The following FAM24B variants were observed in gnomAD, a reference collection of about 807,000 sequenced individuals.
The protein encoded by FAM24B is family with sequence similarity 24 member B.
FAM24B carries 3 observed loss-of-function variants against 2.3 expected under a neutral mutation model. The ratio of observed to expected loss-of-function variants is 1.29; its 90% CI spans 0.59 to 3.32. The LOEUF is 3.32. Ranked by LOEUF, FAM24B falls within the 30% of genes most tolerant of loss-of-function variation. The pLI is 0.03. For missense variants in FAM24B, 98 were observed against 117.2 expected, an observed-to-expected ratio of 0.84 and a Z score of 0.76; for synonymous variants, 36 against 46.3, an observed-to-expected ratio of 0.78 and a Z score of 0.90.
intron 1 of FAM24B, among the ~76,000 whole-genome samples, chr10:122,864,398 G>A (rs1427543707): frequency 6.6e-6 from 1 of 152,124 alleles, no homozygotes; most frequent in Admixed American, 6.5e-5. Flanking sequence ...TAATATCACT[G>A]AGGTCTGTTG....
intron 2 of FAM24B, 98 bp from the exon 3 acceptor site, chr10:122,850,648 C>T: frequency 1.4e-6 from 1 of 702,186 alleles, no homozygotes; most frequent in Non-Finnish European, 2.6e-6. Flanking sequence ...GAAGAAACCC[C>T]AAACACAGAT....
Position 122,849,375 on chromosome 10 carries a change from T to C in FAM24B, c.157A>G (p.Lys53Glu). ...NHNPDKVWWAKNSQAKTIATE... is the reference protein window; with the variant it reads ...NHNPDKVWWAENSQAKTIATE... ...GCAATGGTTTTGGCCTGGCTGTTCT[T>C]GGCCCACCACACCTTGTCTGGGTTG... Residue 53 changes from lysine to glutamate, a missense_variant, in exon 4 of 4, where the codon AAG becomes GAG. By Grantham distance (56) the Lys-to-Glu change is moderately conservative. Coordinates refer to ENST00000368898, the MANE Select transcript of FAM24B (RefSeq NM_152644.3). 6.2e-7 allele frequency: 1 copy of C among 1,613,640 alleles called. No individual in the cohort carries two copies. The highest frequency in any genetic ancestry group is 1.3e-5 in the African/African-American group (1 of 75,026).
intron 1 of FAM24B, among the ~76,000 whole-genome samples, chr10:122,876,997 TACA>T (rs1466327221): frequency 2.7e-4 from 41 of 152,370 alleles, no homozygotes; most frequent in African/African-American, 8.9e-4. Context: ...CTCTAAATTC[TACA>T]AGTTATATAT....
intron 1 of FAM24B, among the ~76,000 whole-genome samples, chr10:122,866,909 T>C (rs1033366413): frequency 6.6e-6 from 1 of 152,168 alleles, no homozygotes; most frequent in African/African-American, 2.4e-5. Context: ...CTAGAAATGA[T>C]TAAGCTTAGT....
At chr10:122,861,744 T>A (rs531220811) in intron 1 of FAM24B, among the ~76,000 whole-genome samples, 1 of 152,368 alleles carries the variant, frequency 6.6e-6, no homozygotes, top group South Asian at 2.1e-4. Flanking sequence ...CAATTGTTCA[T>A]TGCTGGTACA....
intron 1 of FAM24B, among the ~76,000 whole-genome samples, chr10:122,875,908 A>C (rs1847969531): frequency 6.6e-6 from 1 of 152,230 alleles, no homozygotes; most frequent in Non-Finnish European, 1.5e-5. Flanking sequence ...AGAATGCTTC[A>C]AGTGAGCATG....
intron 1 of FAM24B, among the ~76,000 whole-genome samples, chr10:122,870,215 A>C (rs1197288466): frequency 1.3e-5 from 2 of 152,198 alleles, no homozygotes; most frequent in East Asian, 3.9e-4. Context: ...CGACACATAC[A>C]CTCTCCCAAG....
At chr10:122,873,636 T>C (rs547842575) in intron 1 of FAM24B, among the ~76,000 whole-genome samples, 1 of 152,244 alleles carries the variant, frequency 6.6e-6, no homozygotes, top group Non-Finnish European at 1.5e-5. Flanking sequence ...TTAGTAGCCA[T>C]AGATAGCAAT....
chr10:122,863,503 C>A (rs1475366229), intron 1 of FAM24B, among the ~76,000 whole-genome samples: 1 of 152,178 alleles, frequency 6.6e-6, no homozygotes, highest in African/African-American at 2.4e-5. Flanking sequence ...TTCAAATCAG[C>A]TACAGAGCTT....
At chr10:122,851,864 G>A (rs952317809) in intron 2 of FAM24B, among the ~76,000 whole-genome samples, 16 of 151,942 alleles carry the variant, frequency 1.1e-4, no homozygotes, top group Non-Finnish European at 2.1e-4. Context: ...GAAAATATGA[G>A]AATAATGTCT....
intron 1 of FAM24B, among the ~76,000 whole-genome samples, chr10:122,878,885 A>T (rs1205291310): frequency 6.6e-6 from 1 of 151,914 alleles, no homozygotes; most frequent in East Asian, 1.9e-4. Context: ...GATCTTGCTC[A>T]TGAAGTTTCA....
chr10:122,850,177 T>TC (rs1847504334), intron 3 of FAM24B, among the ~76,000 whole-genome samples: 1 of 151,990 alleles, frequency 6.6e-6, no homozygotes, highest in African/African-American at 2.4e-5. Context: ...GCGCTGACAC[T>TC]CACAGGCCAA....
At chr10:122,868,129 G>C (rs1188892436) in intron 1 of FAM24B, among the ~76,000 whole-genome samples, 1 of 152,154 alleles carries the variant, frequency 6.6e-6, no homozygotes, top group African/African-American at 2.4e-5. Flanking sequence ...CATGGCACGA[G>C]AACTACGTGA....
intron 1 of FAM24B, among the ~76,000 whole-genome samples, chr10:122,874,458 T>C (rs1214636058): frequency 6.6e-6 from 1 of 152,202 alleles, no homozygotes; most frequent in African/African-American, 2.4e-5. Flanking sequence ...ACTGACAAAT[T>C]TCCTTAGCTT....
chr10:122,856,802 T>C (rs1847647079), intron 1 of FAM24B, among the ~76,000 whole-genome samples: 1 of 152,136 alleles, frequency 6.6e-6, no homozygotes, highest in Non-Finnish European at 1.5e-5. Flanking sequence ...GATTACAGAT[T>C]GATCTTCATT....
At chr10:122,854,857 G>A (rs990553037) in intron 2 of FAM24B, among the ~76,000 whole-genome samples, 5 of 152,156 alleles carry the variant, frequency 3.3e-5, no homozygotes, top group African/African-American at 1.2e-4. Flanking sequence ...CCCATCCTGT[G>A]ACTAACACCT....
chr10:122,851,918 CA>C (rs1847545369), intron 2 of FAM24B, among the ~76,000 whole-genome samples: 1 of 151,760 alleles, frequency 6.6e-6, no homozygotes, highest in African/African-American at 2.4e-5. Flanking sequence ...TCAAAATAAC[CA>C]AATAGAAATT....
intron 2 of FAM24B, among the ~76,000 whole-genome samples, chr10:122,853,717 C>A (rs927703309): frequency 7.2e-5 from 11 of 152,190 alleles, no homozygotes; most frequent in Non-Finnish European, 1.6e-4. Context: ...TGGTGAGACC[C>A]CATCTCTACA....
intron 1 of FAM24B, among the ~76,000 whole-genome samples, chr10:122,878,432 C>A (rs1034203083): frequency 6.6e-6 from 1 of 151,944 alleles, no homozygotes; most frequent in African/African-American, 2.4e-5. Flanking sequence ...ACTCAGAAGG[C>A]TGAGGCAGGA....
Sources: allele counts gnomAD v4.1 joint callset (sites outside exome capture counted in the v4.1 genomes callset), GRCh38; gene constraint gnomAD v4.1.1; transcripts MANE v1.5; gene names NCBI Gene and HGNC (gene_info 2026-07-23, HGNC 2026-07-21).